KDM4C: variants seen among roughly 807,000 people sequenced by gnomAD.
KDM4C encodes the protein lysine-specific demethylase 4C.
KDM4C carries 81 observed loss-of-function variants against 129.3 expected under a neutral mutation model. The ratio of observed to expected loss-of-function variants is 0.63; its 90% CI spans 0.52 to 0.75. KDM4C has a LOEUF of 0.75. Ranked by LOEUF, KDM4C falls within the 30% of genes least tolerant of loss-of-function variation. The pLI is 0.00. For missense variants in KDM4C, 1,457 were observed against 1,304.0 expected (o/e 1.12, Z -1.81); for synonymous variants, 573 against 456.1 (o/e 1.26, Z -3.26).
At chr9:6,964,704 C>T (rs1301542864) in intron 8 of KDM4C, among the ~76,000 whole-genome samples, 1 of 145,396 alleles carries the variant, frequency 6.9e-6, no homozygotes, top group East Asian at 2.3e-4. Flanking sequence ...ATGGCGTGAA[C>T]CCGGGAGGTG....
chr9:6,915,746 A>G (rs975743545), intron 8 of KDM4C, among the ~76,000 whole-genome samples: 4 of 152,272 alleles, frequency 2.6e-5, no homozygotes, highest in Middle Eastern at 3.4e-3. Context: ...TATCCAAGGT[A>G]TAGCCTTCGA....
intron 1 of KDM4C, among the ~76,000 whole-genome samples, chr9:6,740,248 G>C (rs572846244): frequency 6.6e-6 from 1 of 151,880 alleles, no homozygotes; most frequent in African/African-American, 2.4e-5. Flanking sequence ...CTGTTGCCCA[G>C]GCTGGAGTGC....
chr9:7,116,248 G>T (rs918017794), intron 18 of KDM4C, among the ~76,000 whole-genome samples: 2 of 152,108 alleles, frequency 1.3e-5, no homozygotes, highest in Non-Finnish European at 2.9e-5. Flanking sequence ...TTTTAGTTAA[G>T]TTTGTTCACC....
intron 9 of KDM4C, among the ~76,000 whole-genome samples, chr9:6,983,446 A>G (rs1817112480): frequency 1.3e-5 from 2 of 152,320 alleles, no homozygotes; most frequent in Non-Finnish European, 2.9e-5. Context: ...TGTTAAATAC[A>G]TAAAATTAGG....
At chr9:7,074,557 A>G (rs529178965) in intron 17 of KDM4C, among the ~76,000 whole-genome samples, 1 of 152,276 alleles carries the variant, frequency 6.6e-6, no homozygotes, top group East Asian at 1.9e-4. Context: ...ATGTTTGACC[A>G]CGTTATTTTT....
At chr9:6,878,379 G>A (rs1843900143) in intron 5 of KDM4C, among the ~76,000 whole-genome samples, 2 of 152,090 alleles carry the variant, frequency 1.3e-5, no homozygotes, top group Non-Finnish European at 2.9e-5. Flanking sequence ...TCTAAAAGAA[G>A]AAAAGTAGAA....
chr9:7,047,093 G>A (rs897351780), intron 16 of KDM4C, among the ~76,000 whole-genome samples, 176 bp downstream of exon 16: 4 of 151,940 alleles, frequency 2.6e-5, no homozygotes, highest in African/African-American at 9.7e-5. Context: ...CTCTCATCTC[G>A]GCAGGGCAAG....
chr9:6,893,450 T>G (rs1291322318), intron 8 of KDM4C: 4 of 372,918 alleles, frequency 1.1e-5, no homozygotes, highest in Non-Finnish European at 1.9e-5. Flanking sequence ...TGTGGAGCAA[T>G]TTACCCTGAT....
At chr9:7,024,766 C>G (rs564116779) in intron 15 of KDM4C, among the ~76,000 whole-genome samples, 2 of 152,186 alleles carry the variant, frequency 1.3e-5, no homozygotes, top group African/African-American at 4.8e-5. Context: ...CAAGTCTTTG[C>G]TATTGTGAAT....
intron 1 of KDM4C, among the ~76,000 whole-genome samples, chr9:6,740,818 C>T (rs1001189425): frequency 8.2e-6 from 1 of 122,474 alleles, no homozygotes; most frequent in African/African-American, 3.4e-5. Flanking sequence ...TGTATCCAGC[C>T]AGTAGTATAA....
chr9:6,820,711 TCTC>T (rs1463172927), intron 4 of KDM4C, among the ~76,000 whole-genome samples: 1 of 103,852 alleles, frequency 9.6e-6, no homozygotes, highest in Non-Finnish European at 1.9e-5. Context: ...TCTCTCTCTC[TCTC>T]TTTTTTTTTT....
intron 2 of KDM4C, among the ~76,000 whole-genome samples, chr9:6,794,938 T>A (rs6477109): frequency 6.6e-6 from 1 of 151,988 alleles, no homozygotes; most frequent in East Asian, 1.9e-4. Flanking sequence ...CCTTCTATAA[T>A]GTAAGTCTAT....
At chr9:6,953,319 T>C (rs1327711754) in intron 8 of KDM4C, among the ~76,000 whole-genome samples, 1 of 152,220 alleles carries the variant, frequency 6.6e-6, no homozygotes, top group Non-Finnish European at 1.5e-5. Context: ...GTAAAGGCTT[T>C]CCCGCCTTTA....
chr9:6,722,790 G>A (rs1399998360), intron 1 of KDM4C, among the ~76,000 whole-genome samples: 1 of 151,992 alleles, frequency 6.6e-6, no homozygotes. Context: ...TGGAATTACA[G>A]GTATGAGCCA....
At chr9:6,987,126 T>C (rs1817861971) in intron 11 of KDM4C, among the ~76,000 whole-genome samples, 1 of 152,160 alleles carries the variant, frequency 6.6e-6, no homozygotes, top group East Asian at 1.9e-4. Context: ...TGGGCACTGA[T>C]CACTTTCTGC....
intron 1 of KDM4C, among the ~76,000 whole-genome samples, chr9:6,779,238 G>T (rs745446544): frequency 1.1e-4 from 16 of 151,106 alleles, no homozygotes; most frequent in Non-Finnish European, 1.9e-4. Context: ...CCGTGGTCTC[G>T]ATCTCTTGAC....
At chr9:7,044,227 A>G (rs1266337695) in intron 15 of KDM4C, among the ~76,000 whole-genome samples, 1 of 151,988 alleles carries the variant, frequency 6.6e-6, no homozygotes, top group Non-Finnish European at 1.5e-5. Context: ...TGAGATTTCA[A>G]GAATGTGTTT....
intron 20 of KDM4C, 23 bp from the exon 21 acceptor site, chr9:7,169,775 C>T (rs367928371): frequency 5.9e-5 from 93 of 1,574,124 alleles, no homozygotes; most frequent in Non-Finnish European, 7.5e-5. Context: ...TAATATGTAT[C>T]ATGTTATATT....
At chr9:6,905,799 C>T (rs138939847) in intron 8 of KDM4C, among the ~76,000 whole-genome samples, 2 of 152,270 alleles carry the variant, frequency 1.3e-5, no homozygotes, top group East Asian at 3.9e-4. Flanking sequence ...GCTAAATCAG[C>T]CTGTGACTTC....
Sources: gnomAD v4.1 joint callset for allele counts (sites outside exome capture counted in the v4.1 genomes callset) on GRCh38, gnomAD v4.1.1 for gene constraint, MANE v1.5 for transcripts, NCBI Gene and HGNC (gene_info 2026-07-23, HGNC 2026-07-21) for gene names.